Variants in SELPLG observed in about 807,000 individuals in gnomAD.
SELPLG encodes selectin P ligand.
A neutral mutation model predicts 1.1 loss-of-function variants in SELPLG; 2 were observed. The ratio of observed to expected loss-of-function variants is 1.82; its 90% CI spans 0.74 to 5.71. The LOEUF (loss-of-function observed/expected upper bound fraction) is 5.71, where lower values mean the gene tolerates loss of function less well. SELPLG is among the 30% of genes most tolerant of loss of function. SELPLG has a pLI of 0.05. For missense variants in SELPLG, 478 were observed against 524.7 expected (o/e 0.91, Z 0.87); for synonymous variants, 230 against 221.2 (o/e 1.04, Z -0.35).
At chr12:108,631,901 T>C (rs567785810) in intron 1 of SELPLG, 1 of 1,535,418 alleles carries the variant, frequency 6.5e-7, no homozygotes, top group East Asian at 2.4e-5. Context: ...CCCACTGCCA[T>C]CTTCCTGTTC....
chr12:108,625,486 T>G (rs1199107396), intron 1 of SELPLG, among the ~76,000 whole-genome samples: 2 of 152,182 alleles, frequency 1.3e-5, no homozygotes. Flanking sequence ...GCTGATTTAG[T>G]TCTTTCAGTC....
chr12:108,626,128 CTTTTTTTT>C (rs573374699), intron 1 of SELPLG, among the ~76,000 whole-genome samples: 11 of 125,748 alleles, frequency 8.7e-5, no homozygotes, highest in African/African-American at 2.5e-4. Flanking sequence ...GGTTTCTTTT[CTTTTTTTT>C]TTTTTTTTTT....
At chr12:108,624,776 A>G (rs1592818793) in intron 1 of SELPLG, among the ~76,000 whole-genome samples, 2 of 141,098 alleles carry the variant, frequency 1.4e-5, no homozygotes, top group Admixed American at 7.4e-5. Context: ...TGCAACCTCC[A>G]CCTCCCGGGT....
Position 108,623,989 on chromosome 12 carries a change from C to A in SELPLG, c.319G>T (p.Ala107Ser). The part of the protein sequence containing the change: ...GAVTELTTEL[A>S]NMGNLSTDSA... Reference sequence around the variant, plus strand: ...TCCGTGGACAGGTTCCCCATGTTGGCCAGCTCCGTGGTCAGCTCTGTGACT... The same window carrying A: ...TCCGTGGACAGGTTCCCCATGTTGGACAGCTCCGTGGTCAGCTCTGTGACT... Residue 107 changes from alanine (A) to serine (S), a missense_variant, in exon 2 of 2, where the codon GCC becomes TCC. Physicochemically the swap from Ala to Ser is moderately conservative, Grantham distance 99. Coordinates refer to ENST00000550948, the MANE Select transcript of SELPLG (RefSeq NM_003006.4). 3.1e-6 allele frequency: 5 copies of A among 1,614,200 alleles called. No individual in the cohort carries two copies. The highest frequency in any genetic ancestry group is 4.2e-6 in the Non-Finnish European group (5 of 1,180,032).
In SELPLG at chr12:108,622,750, T is replaced by G; in HGVS notation, c.*319A>C. ...GAAGCGGGGAGAGCCATGGGAGATG[T>G]TAGAGGGACCCAGAGAAGATGGGGG... On this transcript the variant is annotated 3_prime_UTR_variant, in exon 2 of 2. Transcript: ENST00000550948. 3.2e-6 allele frequency: 1 copy of G among 309,766 alleles called. No homozygotes were observed. The highest frequency in any genetic ancestry group is 6.0e-6 in the Non-Finnish European group (1 of 166,902). The allele number at this position is 309,766 out of a possible 1,614,324, so 19.2% of individuals were successfully genotyped here.
chr12:108,622,923 G>T lies in SELPLG; in HGVS notation c.*146C>A. 1.2e-6 allele frequency: 1 copy of T among 803,908 alleles called. No individual in the cohort carries two copies. The highest frequency in any genetic ancestry group is 1.8e-6 in the Non-Finnish European group (1 of 540,710). 49.8% of individuals were successfully genotyped at this position (803,908 alleles called of 1,614,324 possible). Reference sequence around the variant, plus strand: ...GCCCCAGGCTGCTCTTGTCCTGTTTGGGTGGCCAGAGTTCCTTCCCTGAAG... The same window carrying T: ...GCCCCAGGCTGCTCTTGTCCTGTTTTGGTGGCCAGAGTTCCTTCCCTGAAG... On this transcript the variant is annotated 3_prime_UTR_variant, in exon 2 of 2. Coordinates refer to ENST00000550948, the MANE Select transcript of SELPLG (RefSeq NM_003006.4).
chr12:108,629,972 A>G (rs1471047432), intron 1 of SELPLG, among the ~76,000 whole-genome samples: 1 of 152,184 alleles, frequency 6.6e-6, no homozygotes, highest in African/African-American at 2.4e-5. Flanking sequence ...CCCTGTGTTC[A>G]CTGGCTCTAA....
rs768582141 is a variant in SELPLG, at chr12:108,623,099, A to G, written c.1209T>C (p.Asp403=). Residue 403 remains aspartate, a synonymous_variant, in exon 2 of 2, where the codon GAT becomes GAC. Transcript: ENST00000550948. ...TPEPREDREG[D]DLTLHSFLP ...GGAGGAAGCTGTGCAGGGTGAGGTC[A>G]TCCCCCTCACGGTCCTCCCTGGGCT... 6.5e-7 allele frequency: 1 copy of G among 1,530,360 alleles called. No individual in the cohort carries two copies. Among genetic ancestry groups the G allele is most frequent in the Non-Finnish European group, 8.8e-7 (1 of 1,140,740 alleles). The allele number at this position is 1,530,360 out of a possible 1,614,324, so 94.8% of individuals were successfully genotyped here. A position where few individuals can be genotyped will look rare whatever the true frequency, so the allele number is the denominator to read the frequency against.
chr12:108,633,008 C>A (rs766009967), intron 1 of SELPLG, among the ~76,000 whole-genome samples: 1 of 152,168 alleles, frequency 6.6e-6, no homozygotes, highest in Admixed American at 6.5e-5. Context: ...AAATCCTGCA[C>A]TCCCCCTACT....
chr12:108,629,134 G>T (rs2031998723), intron 1 of SELPLG, among the ~76,000 whole-genome samples: 1 of 152,198 alleles, frequency 6.6e-6, no homozygotes, highest in African/African-American at 2.4e-5. Context: ...TTTGGGCTTT[G>T]AGAAAGCAGA....
At position 108,627,107 on chromosome 12, in the gene SELPLG, A is replaced by C. The variant is rs992576088; in HGVS notation, c.-5-2795T>G. Among the ~76,000 whole-genome samples the C allele has an allele frequency of 3.9e-5, 6 of 152,238 alleles. No individual in the cohort carries two copies. The East Asian group carries it at 7.7e-4, about 20-fold the overall frequency. Reference sequence around the variant, plus strand: ...AGACAAGAGCAAAACTCTGTCTAAAAAATAAAAAAATACTTTCTTAAACCA... The same window carrying C: ...AGACAAGAGCAAAACTCTGTCTAAACAATAAAAAAATACTTTCTTAAACCA... On this transcript the variant is annotated intron_variant, in intron 1 of 1. Coordinates refer to ENST00000550948, the MANE Select transcript of SELPLG (RefSeq NM_003006.4).
chr12:108,632,425 TGTGA>T lies in SELPLG; in HGVS notation c.-6+1311_-6+1314del, dbSNP rs1478641522. On this transcript the variant is annotated intron_variant, in intron 1 of 1. Transcript: ENST00000550948. ...GTGTGTGTGTGTGTGTGTGTGTGTG[TGTGA>T]ATGTGTGTACAGCAGGGCACAACTG... 4.2e-5 allele frequency among the ~76,000 whole-genome samples: 6 copies of T among 141,820 alleles called. No homozygotes were observed. In the East Asian group the frequency reaches 1.2e-3, roughly 28 times the overall value. 93.0% of individuals were successfully genotyped at this position (141,820 alleles called of 152,430 possible).
Position 108,623,659 on chromosome 12 carries a change from C to CT in SELPLG, c.648dup (p.Ala217SerfsTer140). 6.5e-7 allele frequency: 1 copy of CT among 1,528,446 alleles called. No homozygotes were observed. Among genetic ancestry groups the CT allele is most frequent in the Non-Finnish European group, 8.7e-7 (1 of 1,144,720 alleles). The allele number at this position is 1,528,446 out of a possible 1,614,324, so 94.7% of individuals were successfully genotyped here. Reference sequence around the variant, plus strand: ...TGAGTGGTCTGTGCCTCCATGGCTGCTGGTGGAGTGGTCTGTGCTTCCATG... The same window carrying CT: ...TGAGTGGTCTGTGCCTCCATGGCTGCTTGGTGGAGTGGTCTGTGCTTCCATG... On this transcript the variant is annotated frameshift_variant, in exon 2 of 2. Coordinates refer to ENST00000550948, the MANE Select transcript of SELPLG (RefSeq NM_003006.4). LOFTEE classifies it low-confidence loss of function (END_TRUNC).
chr12:108,631,732 T>A, intron 1 of SELPLG: 1 of 718,808 alleles, frequency 1.4e-6, no homozygotes, highest in Non-Finnish European at 2.3e-6. Flanking sequence ...GGCAGTAAGG[T>A]ACTTGGCACA....
At chr12:108,632,091 C>G (rs1592823641) in intron 1 of SELPLG, 1 of 637,266 alleles carries the variant, frequency 1.6e-6, no homozygotes, top group African/African-American at 1.8e-5. Context: ...TTCCCCAGCT[C>G]CTCTGAATGC....
rs1158059659 is a variant in SELPLG at position 108,623,287 on chromosome 12, G to A, written c.1021C>T (p.Leu341=). 6 of 1,614,178 alleles carry A rather than the reference G, an allele frequency of 3.7e-6. 1 individual carries two copies. In the South Asian group the frequency reaches 5.5e-5, roughly 15 times the overall value. The change falls in exon 2 of 2, where the codon CTG becomes TTG. Residue 341 remains leucine, a synonymous_variant. Transcript: ENST00000550948. ...ATIFFVCTVV[L]AVRLSRKGHM... is the part of the protein sequence containing the mutation. ...CCCTTGCGGGAGAGGCGGACCGCCA[G>A]CACCACAGTGCACACGAAGAAGATA...
Position 108,623,636 on chromosome 12 carries a change from A to G in SELPLG, c.672T>C (p.Thr224=). The G allele has an allele frequency of 1.3e-6, 2 of 1,528,446 alleles. No homozygotes were observed. Among genetic ancestry groups the G allele is most frequent in the Non-Finnish European group, 1.7e-6 (2 of 1,143,684 alleles). 94.7% of individuals were successfully genotyped at this position (1,528,446 alleles called of 1,614,324 possible). Residue 224 remains threonine, a synonymous_variant, in exon 2 of 2, where the codon ACT becomes ACC. Coordinates refer to ENST00000550948, the MANE Select transcript of SELPLG (RefSeq NM_003006.4). The part of the protein sequence containing the change: ...TPPAAMEAQT[T]QTTAMEAQTT... ...TCTGTGCCTCCATGGCTGTGGTTTG[A>G]GTGGTCTGTGCCTCCATGGCTGCTG...
chr12:108,626,736 A>G (rs1017958924), intron 1 of SELPLG, among the ~76,000 whole-genome samples: 15 of 152,052 alleles, frequency 9.9e-5, no homozygotes, highest in African/African-American at 3.4e-4. Context: ...CCTGGCCTCA[A>G]GCAATCCTCC....
At chr12:108,628,177 C>T (rs2031972521) in intron 1 of SELPLG, among the ~76,000 whole-genome samples, 2 of 151,306 alleles carry the variant, frequency 1.3e-5, no homozygotes, top group African/African-American at 4.9e-5. Context: ...GTGGGAGGAT[C>T]GCTTAAGCCT....
Sources: gnomAD v4.1 joint callset for allele counts (sites outside exome capture counted in the v4.1 genomes callset) on GRCh38, gnomAD v4.1.1 for gene constraint, MANE v1.5 for transcripts, NCBI Gene and HGNC (gene_info 2026-07-23, HGNC 2026-07-21) for gene names.